VPS8: variants seen among roughly 807,000 people sequenced by gnomAD.
VPS8 encodes the protein vacuolar protein sorting-associated protein 8 homolog.
VPS8 carries 129 observed loss-of-function variants against 216.4 expected under a neutral mutation model. The ratio of observed to expected loss-of-function variants is 0.60; its 90% CI spans 0.52 to 0.69. VPS8 has a LOEUF of 0.69. Among genes scored for constraint, VPS8 ranks in the 30% least tolerant of loss-of-function variants. The probability of loss-of-function intolerance (pLI) is 0.00; values close to 1 mark genes in which losing one functional copy is unlikely to be tolerated. For synonymous variants in VPS8, 571 were observed against 565.4 expected (o/e 1.01, Z -0.14); for missense variants, 1,531 against 1,683.5 (o/e 0.91, Z 1.59).
intron 22 of VPS8, among the ~76,000 whole-genome samples, chr3:184,894,076 A>G (rs966978891): frequency 2.0e-5 from 3 of 152,322 alleles, no homozygotes; most frequent in African/African-American, 7.2e-5. Flanking sequence ...TTTCTGCAAT[A>G]AAATTGTTTC....
At chr3:184,934,679 T>C (rs531414630) in intron 34 of VPS8, among the ~76,000 whole-genome samples, 1 of 152,230 alleles carries the variant, frequency 6.6e-6, no homozygotes, top group African/African-American at 2.4e-5. Context: ...TGTGTTAAAT[T>C]TTATTGGTAT....
At chr3:184,825,818 T>A (rs1211443906) in intron 2 of VPS8, among the ~76,000 whole-genome samples, 1 of 152,002 alleles carries the variant, frequency 6.6e-6, no homozygotes, top group Admixed American at 6.6e-5. Context: ...GCAGAATTGC[T>A]TGAACCCGGG....
chr3:185,035,163 G>T (rs1037629965), intron 46 of VPS8, among the ~76,000 whole-genome samples: 1 of 151,954 alleles, frequency 6.6e-6, no homozygotes, highest in Non-Finnish European at 1.5e-5. Flanking sequence ...AAATTCTATC[G>T]AATTATACTT....
rs536930655 is a variant in VPS8 at position 184,865,612 on chromosome 3, G to A, written c.1396-1264G>A. Among the ~76,000 whole-genome samples, 10 of 152,278 alleles carry A rather than the reference G, an allele frequency of 6.6e-5. No homozygotes were observed. In the East Asian group the frequency reaches 9.7e-4, roughly 15 times the overall value. On this transcript the variant is annotated intron_variant, in intron 16 of 47. Transcript: ENST00000625842. ...TAACAAGTGTTGGCAAGGATGTGGC[G>A]ATATTGGAAGCCTCATACATTGATG...
intron 46 of VPS8, among the ~76,000 whole-genome samples, chr3:185,025,922 C>G (rs1757280777): frequency 6.6e-6 from 1 of 152,132 alleles, no homozygotes; most frequent in Non-Finnish European, 1.5e-5. Context: ...AATGGTGATG[C>G]TACTCTCAGA....
chr3:184,879,554 C>G (rs1729913452), intron 21 of VPS8, among the ~76,000 whole-genome samples: 1 of 152,266 alleles, frequency 6.6e-6, no homozygotes, highest in South Asian at 2.1e-4. Flanking sequence ...GAGGGCTTTG[C>G]TGCAAGAGAA....
intron 30 of VPS8, among the ~76,000 whole-genome samples, chr3:184,925,703 G>A (rs1214762913): frequency 6.6e-6 from 1 of 151,640 alleles, no homozygotes; most frequent in African/African-American, 2.4e-5. Flanking sequence ...CCATGGTATC[G>A]TATCAGGAAA....
chr3:184,863,749 T>G (rs551547843), intron 16 of VPS8, among the ~76,000 whole-genome samples: 4 of 152,282 alleles, frequency 2.6e-5, no homozygotes, highest in Admixed American at 6.5e-5. Context: ...AATCTTTAAG[T>G]AGGAAATTTA....
chr3:185,044,151 C>A (rs1712318597), intron 46 of VPS8, among the ~76,000 whole-genome samples: 1 of 152,186 alleles, frequency 6.6e-6, no homozygotes, highest in Admixed American at 6.5e-5. Flanking sequence ...TATCGTGCCA[C>A]TGCACTCCAG....
At chr3:184,942,785 T>TG (rs1386579203) in intron 36 of VPS8, among the ~76,000 whole-genome samples, 1 of 152,252 alleles carries the variant, frequency 6.6e-6, no homozygotes, top group African/African-American at 2.4e-5. Context: ...ATCATTTTTA[T>TG]GTAAAGAACA....
chr3:184,972,631 A>G (rs1412872332), intron 40 of VPS8, among the ~76,000 whole-genome samples: 1 of 152,232 alleles, frequency 6.6e-6, no homozygotes, highest in African/African-American at 2.4e-5. Flanking sequence ...TCATGATTCC[A>G]ATGTGCAGCC....
chr3:184,843,420 C>T (rs1371032043), intron 8 of VPS8, among the ~76,000 whole-genome samples, 175 bp downstream of exon 8: 1 of 151,710 alleles, frequency 6.6e-6, no homozygotes, highest in Non-Finnish European at 1.5e-5. Context: ...TATATATATA[C>T]CTTCAATGTT....
At position 184,860,346 on chromosome 3, in the gene VPS8, TAA is replaced by T. The variant is rs11478298; in HGVS notation, c.1224+292_1224+293del. Reference sequence around the variant, plus strand: ...GGCAACATAGTGAGACCCTGTCTCTTAAAAAAAAAAAAGTATATGTGTGTGTG... The same window carrying T: ...GGCAACATAGTGAGACCCTGTCTCTTAAAAAAAAAAGTATATGTGTGTGTG... On this transcript the variant is annotated intron_variant, in intron 15 of 47. Transcript: ENST00000625842. Among the ~76,000 whole-genome samples, 20 of 146,356 alleles carry T rather than the reference TAA, an allele frequency of 1.4e-4. 1 individual carries two copies. Among genetic ancestry groups the T allele is most frequent in the South Asian group, 4.3e-4 (2 of 4,652 alleles).
chr3:184,919,724 T>C lies in VPS8; in HGVS notation c.2383-403T>C, dbSNP rs1247912532. On this transcript the variant is annotated intron_variant, in intron 28 of 47. Coordinates refer to ENST00000625842, the MANE Select transcript of VPS8 (RefSeq NM_001009921.3). ...ATTGTGAAAGTTATTTTTATGACAG[T>C]TAATAAAATGTGTCTTAGTTATTTC... Among the ~76,000 whole-genome samples, 3 of 152,178 alleles carry C rather than the reference T, an allele frequency of 2.0e-5. No individual in the cohort carries two copies. The South Asian group carries it at 6.2e-4, about 31-fold the overall frequency.
intron 45 of VPS8, among the ~76,000 whole-genome samples, chr3:185,017,314 C>A (rs1304382209): frequency 2.0e-5 from 3 of 152,154 alleles, no homozygotes; most frequent in Non-Finnish European, 4.4e-5. Flanking sequence ...ATTGAAATGT[C>A]TGCTCCTGTA....
intron 46 of VPS8, among the ~76,000 whole-genome samples, chr3:185,040,929 G>A (rs147753312): frequency 0.011 from 1,660 of 152,182 alleles, 32 homozygotes; most frequent in African/African-American, 0.037. Flanking sequence ...TTGGCCAGGC[G>A]CGGTGGCTCA....
intron 21 of VPS8, among the ~76,000 whole-genome samples, chr3:184,881,499 C>T (rs1730259501): frequency 6.6e-6 from 1 of 152,072 alleles, no homozygotes; most frequent in South Asian, 2.1e-4. Flanking sequence ...CTATTTTGTT[C>T]CATTGATCCG....
Position 184,894,508 on chromosome 3 carries a change from G to GTGTATATATATA in VPS8, c.1782-194_1782-193insGTATATATATAT, listed in dbSNP as rs1553857846. On this transcript the variant is annotated intron_variant, in intron 22 of 47. Transcript: ENST00000625842. The stretch of plus-strand genomic sequence containing the variant: ...TTTATATATATGTATATATACACAC[G>GTGTATATATATA]TATATATATATATATATATATATAC... Among the ~76,000 whole-genome samples, 104 of 133,118 alleles carry GTGTATATATATA rather than the reference G, an allele frequency of 7.8e-4. 1 individual carries two copies. Among genetic ancestry groups the GTGTATATATATA allele is most frequent in the East Asian group, 3.2e-3 (15 of 4,630 alleles). The allele number at this position is 133,118 out of a possible 152,430, so 87.3% of individuals were successfully genotyped here.
intron 21 of VPS8, among the ~76,000 whole-genome samples, chr3:184,881,969 G>A (rs1730341992): frequency 6.6e-6 from 1 of 151,550 alleles, no homozygotes; most frequent in Admixed American, 6.6e-5. Flanking sequence ...ATTCTAGAAT[G>A]CTTTTTGTAG....
Sources: gnomAD v4.1 joint callset for allele counts (sites outside exome capture counted in the v4.1 genomes callset) on GRCh38, gnomAD v4.1.1 for gene constraint, MANE v1.5 for transcripts, NCBI Gene and HGNC (gene_info 2026-07-23, HGNC 2026-07-21) for gene names.